Variants in KCNK10 observed in about 807,000 individuals in gnomAD.
The protein encoded by KCNK10 is potassium channel subfamily K member 10.
Under a neutral mutation model 47.7 loss-of-function variants are expected in KCNK10, and 25 were observed. That is an observed-to-expected ratio of 0.52 (90% CI 0.38 to 0.73). The LOEUF is 0.73. Among genes scored for constraint, KCNK10 ranks in the 30% least tolerant of loss-of-function variants. The pLI is 0.00. For missense variants in KCNK10, 563 were observed against 714.5 expected (o/e 0.79, Z 2.42); for synonymous variants, 303 against 285.6 (o/e 1.06, Z -0.61).
At chr14:88,301,316 C>T (rs374592488) in intron 1 of KCNK10, among the ~76,000 whole-genome samples, 1 of 152,204 alleles carries the variant, frequency 6.6e-6, no homozygotes, top group South Asian at 2.1e-4. Context: ...GTTGTAGAGC[C>T]TTTAGTGCTG....
chr14:88,310,536 C>T (rs1888306211), intron 1 of KCNK10, among the ~76,000 whole-genome samples: 1 of 152,144 alleles, frequency 6.6e-6, no homozygotes, highest in African/African-American at 2.4e-5. Flanking sequence ...CCTCAAATCC[C>T]ACCCCCTGTG....
chr14:88,195,980 G>A (rs1193275687), intron 4 of KCNK10, among the ~76,000 whole-genome samples: 1 of 152,228 alleles, frequency 6.6e-6, no homozygotes, highest in East Asian at 1.9e-4. Flanking sequence ...ATCTAACTGA[G>A]CTAATGTGTC....
chr14:88,265,567 A>G (rs1887230107), intron 1 of KCNK10, among the ~76,000 whole-genome samples: 1 of 152,198 alleles, frequency 6.6e-6, no homozygotes, highest in Non-Finnish European at 1.5e-5. Flanking sequence ...GCTTTAAGCC[A>G]CTACATGTGT....
chr14:88,240,336 C>T (rs1187623876), intron 3 of KCNK10, among the ~76,000 whole-genome samples: 4 of 152,182 alleles, frequency 2.6e-5, no homozygotes, highest in Admixed American at 6.5e-5. Context: ...CAGAATGTTA[C>T]TGTTTTTTAT....
chr14:88,313,610 G>C lies in KCNK10; in HGVS notation c.52+9137C>G, dbSNP rs1310974138. Among the ~76,000 whole-genome samples, 3 of 152,084 alleles carry C rather than the reference G, an allele frequency of 2.0e-5. No homozygotes were observed. In the East Asian group the frequency reaches 5.8e-4, roughly 29 times the overall value. ...ACCAGCAGCAATTTGCAAGTCACAT[G>C]AGCACACCAGCTTGGAAACAGATCC... On this transcript the variant is annotated intron_variant, in intron 1 of 6. Coordinates refer to ENST00000319231, the MANE Select transcript of KCNK10 (RefSeq NM_138317.3).
At position 88,185,247 on chromosome 14, in the gene KCNK10, G is replaced by T. The variant is rs1246463135; in HGVS notation, c.*288C>A. ...TGTGTGCCCAGGTAGCACTGCCCAGGGGTACAGCACTGCCACTGAAATGCC... is the reference window on the plus strand; with the variant it reads ...TGTGTGCCCAGGTAGCACTGCCCAGTGGTACAGCACTGCCACTGAAATGCC... On this transcript the variant is annotated 3_prime_UTR_variant, in exon 7 of 7. Coordinates refer to ENST00000319231, the MANE Select transcript of KCNK10 (RefSeq NM_138317.3). This position sits in a 1 kb window ranked among gnomAD's most constrained non-coding sequence, Gnocchi z 4.3. 7.9e-6 allele frequency: 3 copies of T among 379,972 alleles called. No homozygotes were observed. Among genetic ancestry groups the T allele is most frequent in the Non-Finnish European group, 9.6e-6 (2 of 207,798 alleles). The allele number at this position is 379,972 out of a possible 1,614,324, so 23.5% of individuals were successfully genotyped here.
intron 4 of KCNK10, among the ~76,000 whole-genome samples, chr14:88,196,855 C>G (rs1884929957): frequency 6.6e-6 from 1 of 152,150 alleles, no homozygotes; most frequent in Admixed American, 6.5e-5. Flanking sequence ...ATGTTTTCTT[C>G]CAAGATTTAT....
chr14:88,185,625 C>T lies in KCNK10; in HGVS notation c.1542G>A (p.Gln514=). ...SSTAMLTDCI[Q]QHAELENGMI... is the part of the protein sequence containing the mutation. Reference sequence around the variant, plus strand: ...TTCCGTTCTCCAACTCAGCGTGCTGCTGGATACAGTCCGTCAGCATGGCTG... The same window carrying T: ...TTCCGTTCTCCAACTCAGCGTGCTGTTGGATACAGTCCGTCAGCATGGCTG... Residue 514 remains glutamine, a synonymous_variant, in exon 7 of 7, where the codon CAG becomes CAA. Coordinates refer to ENST00000319231, the MANE Select transcript of KCNK10 (RefSeq NM_138317.3). The surrounding 1 kb of genome is among the most constrained non-coding windows in gnomAD (Gnocchi z 4.3). The T allele has an allele frequency of 6.2e-7, 1 of 1,614,206 alleles. No individual in the cohort carries two copies. The highest frequency in any genetic ancestry group is 8.5e-7 in the Non-Finnish European group (1 of 1,180,018).
At chr14:88,244,530 G>A (rs781241763) in intron 2 of KCNK10, among the ~76,000 whole-genome samples, 4 of 152,110 alleles carry the variant, frequency 2.6e-5, no homozygotes, top group East Asian at 1.9e-4. Flanking sequence ...TTAGCCAGGC[G>A]TGGTGGCGGG....
intron 1 of KCNK10, among the ~76,000 whole-genome samples, chr14:88,303,508 G>A (rs961765726): frequency 6.6e-6 from 1 of 152,068 alleles, no homozygotes; most frequent in Non-Finnish European, 1.5e-5. Context: ...AGGAATGAGG[G>A]GTGGCTGGCG....
At chr14:88,251,232 C>CAAAAA (rs1160023262) in intron 2 of KCNK10, among the ~76,000 whole-genome samples, 13 of 69,998 alleles carry the variant, frequency 1.9e-4, no homozygotes, top group African/African-American at 3.0e-4. Flanking sequence ...GACTCTGTCT[C>CAAAAA]AAAAAAAAAA....
chr14:88,192,096 A>G (rs1248006354), intron 5 of KCNK10, 128 bp downstream of exon 5: 2 of 829,824 alleles, frequency 2.4e-6, no homozygotes, highest in African/African-American at 1.7e-5. Context: ...GCCTCTTCAC[A>G]GCAGTAGTGA....
chr14:88,277,691 A>T lies in KCNK10; in HGVS notation c.53-14140T>A, dbSNP rs370322702. Among the ~76,000 whole-genome samples the T allele has an allele frequency of 6.6e-5, 10 of 152,342 alleles. No individual in the cohort carries two copies. The South Asian group carries it at 1.2e-3, about 19-fold the overall frequency. On this transcript the variant is annotated intron_variant, in intron 1 of 6. Transcript: ENST00000319231. Reference sequence around the variant, plus strand: ...AAAACAGCTCAGTCTCTTCCCAGTAACACCTAGGTTTGGGGAATAAAATGT... The same window carrying T: ...AAAACAGCTCAGTCTCTTCCCAGTATCACCTAGGTTTGGGGAATAAAATGT...
In KCNK10 at chr14:88,224,519, T is replaced by G. The variant is rs375410727; in HGVS notation, c.681+2856A>C. ...AATATCCCTCAGCAATTCTTTAAAA[T>G]GAGGATCAGACCTGGGATGTGTTGG... On this transcript the variant is annotated intron_variant, in intron 4 of 6. Coordinates refer to ENST00000319231, the MANE Select transcript of KCNK10 (RefSeq NM_138317.3). Among the ~76,000 whole-genome samples, 13 of 152,348 alleles carry G rather than the reference T, an allele frequency of 8.5e-5. 1 individual carries two copies. The highest frequency in any genetic ancestry group is 3.1e-4 in the African/African-American group (13 of 41,584).
chr14:88,288,100 T>C (rs1311604478), intron 1 of KCNK10, among the ~76,000 whole-genome samples: 4 of 152,210 alleles, frequency 2.6e-5, no homozygotes, highest in Admixed American at 2.0e-4. Context: ...TTAGTGATGT[T>C]GAGCATTTTT....
In KCNK10 at chr14:88,188,078, C is replaced by T. The variant is rs766497011; in HGVS notation, c.900G>A (p.Trp300Ter). ...TCCAAAACCACACTAGGGGCTTATA[C>T]CACTCCCGATAATTGATGCCAGCGT... ...GGNAGINYRE[W>*]YKPLVWFWIL... The change falls in exon 6 of 7, where the codon TGG (tryptophan) becomes TGA (stop). Residue 300 changes from tryptophan to a stop codon, truncating the protein, a stop_gained. Coordinates refer to ENST00000319231, the MANE Select transcript of KCNK10 (RefSeq NM_138317.3). LOFTEE classifies it high-confidence loss of function. 2 of 1,614,200 alleles carry T rather than the reference C, an allele frequency of 1.2e-6. No individual in the cohort carries two copies. The highest frequency in any genetic ancestry group is 1.7e-6 in the Non-Finnish European group (2 of 1,180,040).
chr14:88,255,825 A>C (rs1010943229), intron 2 of KCNK10, among the ~76,000 whole-genome samples: 1 of 152,040 alleles, frequency 6.6e-6, no homozygotes. Flanking sequence ...GCACCACTGC[A>C]CTCCAGTGTG....
chr14:88,214,432 G>A (rs1595084578), intron 4 of KCNK10, among the ~76,000 whole-genome samples: 1 of 152,170 alleles, frequency 6.6e-6, no homozygotes, highest in Non-Finnish European at 1.5e-5. Context: ...GAACAGAGTG[G>A]GGACTATCTT....
intron 4 of KCNK10, among the ~76,000 whole-genome samples, chr14:88,194,356 A>C (rs1159323120): frequency 6.6e-6 from 1 of 152,228 alleles, no homozygotes; most frequent in African/African-American, 2.4e-5. Flanking sequence ...TTTTGTTTGC[A>C]GAAATGTATG....
Sources: allele counts gnomAD v4.1 joint callset (sites outside exome capture counted in the v4.1 genomes callset), GRCh38; gene constraint gnomAD v4.1.1; non-coding constraint Gnocchi (gnomAD v3.1); transcripts MANE v1.5; gene names NCBI Gene and HGNC (gene_info 2026-07-23, HGNC 2026-07-21).